CDH3: variants seen among roughly 807,000 people sequenced by gnomAD.
CDH3 encodes the protein cadherin 3, also known as cadherin-3.
Under a neutral mutation model 82.0 loss-of-function variants are expected in CDH3, and 54 were observed. That is an observed-to-expected ratio of 0.66 (90% CI 0.53 to 0.83). The LOEUF is 0.83. CDH3 is among the 40% of genes least tolerant of loss of function. The pLI, the probability that CDH3 is intolerant of heterozygous loss-of-function variation, is 0.00. For missense variants in CDH3, 1,054 were observed against 1,084.6 expected (o/e 0.97, Z 0.40); for synonymous variants, 446 against 437.9 (o/e 1.02, Z -0.23).
At chr16:68,694,375 A>T (rs1298771888) in intron 13 of CDH3, among the ~76,000 whole-genome samples, 2 of 151,052 alleles carry the variant, frequency 1.3e-5, no homozygotes, top group Non-Finnish European at 2.9e-5. Context: ...TAATCCCAGC[A>T]CTTCGGGAGG....
intron 1 of CDH3, among the ~76,000 whole-genome samples, chr16:68,710,885 G>C (rs1181724750): frequency 1.4e-5 from 2 of 146,202 alleles, no homozygotes; most frequent in Non-Finnish European, 3.0e-5. Flanking sequence ...GAGAGAGAGA[G>C]AGAAAGAAGA....
At chr16:68,729,666 T>C (rs561059652), downstream of CDH3, among the ~76,000 whole-genome samples, 1,638 of 152,234 alleles carry the variant, frequency 0.011, 18 homozygotes, top group Non-Finnish European at 0.019. Flanking sequence ...CAGAGTCTCC[T>C]CTCTTGCCCG....
intron 3 of CDH3, among the ~76,000 whole-genome samples, chr16:68,676,926 A>G (rs1363869212): frequency 2.0e-5 from 3 of 152,206 alleles, no homozygotes; most frequent in African/African-American, 7.2e-5. Context: ...AAAATAAAAA[A>G]TAATAATAAG....
chr16:68,698,024 GC>G (rs1961783171), intron 15 of CDH3, 166 bp from the exon 16 acceptor site: 1 of 720,016 alleles, frequency 1.4e-6, no homozygotes. Context: ...CTTGCTGTCT[GC>G]TGGTCCCTGA....
At chr16:68,696,839 G>C (rs967756889) in intron 15 of CDH3, 3 of 152,258 alleles carry the variant, frequency 2.0e-5, no homozygotes, top group African/African-American at 7.2e-5. Context: ...TGTGTTCAGC[G>C]CTCCTTATCA....
In CDH3 at chr16:68,682,401, T is replaced by A; in HGVS notation, c.1096T>A (p.Tyr366Asn). 1 of 1,614,100 alleles carries A rather than the reference T, an allele frequency of 6.2e-7. No homozygotes were observed. Among genetic ancestry groups the A allele is most frequent in the Non-Finnish European group, 8.5e-7 (1 of 1,180,014 alleles). The part of the protein sequence containing the change: ...APNSPAWRAT[Y>N]LIMGGDDGDH... The stretch of plus-strand genomic sequence containing the variant: ...CAACTCACCAGCGTGGCGTGCCACC[T>A]ACCTTATCATGGGCGGTGACGACGG... Residue 366 changes from tyrosine (Y) to asparagine (N), a missense_variant, in exon 9 of 16, where the codon TAC becomes AAC. Tyr to Asn is a moderately radical substitution (Grantham distance 143). Transcript: ENST00000264012.
intron 2 of CDH3, among the ~76,000 whole-genome samples, chr16:68,670,849 G>A (rs914606608): frequency 3.3e-5 from 5 of 152,156 alleles, no homozygotes; most frequent in African/African-American, 1.2e-4. Context: ...AAAGCGGGTG[G>A]ATCGCTTGAG....
intron 2 of CDH3, among the ~76,000 whole-genome samples, chr16:68,725,372 C>T (rs1027618364): frequency 2.6e-5 from 4 of 151,820 alleles, no homozygotes. Context: ...CTCACTCTGT[C>T]GCCCAGGCTG....
intron 2 of CDH3, among the ~76,000 whole-genome samples, chr16:68,649,508 C>T (rs1197619510): frequency 2.0e-5 from 3 of 152,198 alleles, no homozygotes; most frequent in East Asian, 1.9e-4. Context: ...ATGAACAAAA[C>T]GAAGTCCCTG....
chr16:68,685,810 G>A (rs561615709), intron 11 of CDH3, among the ~76,000 whole-genome samples: 1 of 152,100 alleles, frequency 6.6e-6, no homozygotes, highest in Non-Finnish European at 1.5e-5. Flanking sequence ...ATCTCAAAAA[G>A]CAACAACAAC....
At chr16:68,687,399 G>A in intron 11 of CDH3, 113 bp from the exon 12 acceptor site, 2 of 768,186 alleles carry the variant, frequency 2.6e-6, no homozygotes, top group Non-Finnish European at 4.6e-6. Context: ...TGTATTGGAA[G>A]CAAGGGCATG....
chr16:68,698,529 G>A lies in CDH3; in HGVS notation c.*129G>A. ...GGCCGTAGCAACTTGGCGGAGACAGGCTATGAGTCTGACGTTAGAGTGGTG... is the reference window on the plus strand; with the variant it reads ...GGCCGTAGCAACTTGGCGGAGACAGACTATGAGTCTGACGTTAGAGTGGTG... On this transcript the variant is annotated 3_prime_UTR_variant, in exon 16 of 16. Coordinates refer to ENST00000264012, the MANE Select transcript of CDH3 (RefSeq NM_001793.6). 1 of 777,434 alleles carries A rather than the reference G, an allele frequency of 1.3e-6. No homozygotes were observed. Among genetic ancestry groups the A allele is most frequent in the East Asian group, 2.7e-5 (1 of 37,712 alleles). 48.2% of individuals were successfully genotyped at this position (777,434 alleles called of 1,614,324 possible). A position where few individuals can be genotyped will look rare whatever the true frequency, so the allele number is the denominator to read the frequency against.
chr16:68,699,901 G>A lies in CDH3; in HGVS notation c.*1501G>A, dbSNP rs747721001. ...ATCTGGCACATGGTCCATGCAATCT[G>A]TTAGTTGGTAACAGCTACCATTTAT... is the stretch of plus-strand genomic sequence containing the variant. On this transcript the variant is annotated 3_prime_UTR_variant, in exon 16 of 16. Transcript: ENST00000264012. 1 of 152,174 alleles carries A rather than the reference G, an allele frequency of 6.6e-6. No individual in the cohort carries two copies. Among genetic ancestry groups the A allele is most frequent in the African/African-American group, 2.4e-5 (1 of 41,432 alleles). The allele number at this position is 152,174 out of a possible 1,614,324, so 9.4% of individuals were successfully genotyped here.
chr16:68,665,171 G>A (rs1386087672), intron 2 of CDH3, among the ~76,000 whole-genome samples: 6 of 152,052 alleles, frequency 3.9e-5, no homozygotes, highest in Non-Finnish European at 7.4e-5. Flanking sequence ...CACTTTGGGA[G>A]GCTGAGGCGG....
chr16:68,702,677 C>T (rs1208951761), downstream of CDH3, among the ~76,000 whole-genome samples: 2 of 152,010 alleles, frequency 1.3e-5, no homozygotes, highest in Admixed American at 1.3e-4. Context: ...CCAGCCTGGC[C>T]AACATGGTGA....
intron 15 of CDH3, among the ~76,000 whole-genome samples, chr16:68,697,291 T>C (rs375148360): frequency 1.3e-5 from 2 of 148,156 alleles, no homozygotes; most frequent in African/African-American, 5.0e-5. Context: ...ATCATTGCAC[T>C]CCAGCCTGGG....
At chr16:68,677,256 G>GT (rs1043093153) in intron 3 of CDH3, among the ~76,000 whole-genome samples, 2 of 152,012 alleles carry the variant, frequency 1.3e-5, no homozygotes, top group South Asian at 2.1e-4. Context: ...GCCACTATTA[G>GT]TTTTTTTCTG....
chr16:68,658,900 C>T (rs925480729), intron 2 of CDH3, among the ~76,000 whole-genome samples: 4 of 151,994 alleles, frequency 2.6e-5, no homozygotes, highest in Non-Finnish European at 5.9e-5. Flanking sequence ...ATTTTTTTAT[C>T]GTCTCCTCCC....
At position 68,692,955 on chromosome 16, in the gene CDH3, T is replaced by G. The variant is rs146399038; in HGVS notation, c.2002+1029T>G. On this transcript the variant is annotated intron_variant, in intron 13 of 15. Transcript: ENST00000264012. ...TCCTGTCTCTACTGAAAATACAAAATTAGCCAGGCATGATGGCACATGCCT... is the reference window on the plus strand; with the variant it reads ...TCCTGTCTCTACTGAAAATACAAAAGTAGCCAGGCATGATGGCACATGCCT... Among the ~76,000 whole-genome samples the G allele has an allele frequency of 3.9e-5, 6 of 152,212 alleles. No individual in the cohort carries two copies. In the East Asian group the frequency reaches 1.2e-3, roughly 29 times the overall value.
Sources: allele counts gnomAD v4.1 joint callset (sites outside exome capture counted in the v4.1 genomes callset), GRCh38; gene constraint gnomAD v4.1.1; transcripts MANE v1.5; gene names NCBI Gene and HGNC (gene_info 2026-07-23, HGNC 2026-07-21).